Variants in NKX2-2 observed in about 807,000 individuals in gnomAD.
NKX2-2 encodes the protein NK2 homeobox 2, also known as homeobox protein Nkx-2.2.
In NKX2-2, 8 loss-of-function variants were observed where a neutral mutation model predicts 24.6. The observed-to-expected ratio is 0.32, with a 90% CI of 0.19 to 0.59. The LOEUF (loss-of-function observed/expected upper bound fraction) is 0.59. NKX2-2 is among the 20% of genes least tolerant of loss of function. NKX2-2 has a pLI of 0.86. For synonymous variants in NKX2-2, 217 were observed against 173.3 expected (o/e 1.25, Z -1.98); for missense variants, 381 against 373.9 (o/e 1.02, Z -0.16).
the NKX2-2 span, among the ~76,000 whole-genome samples, chr20:21,522,543 C>G: frequency 2.0e-5 from 3 of 152,098 alleles, no homozygotes; most frequent in Non-Finnish European, 4.4e-5. Flanking sequence ...TCACCGGAAA[C>G]GCGTGCGAGC....
chr20:21,517,115 C>G (rs979554751), upstream of NKX2-2, among the ~76,000 whole-genome samples: 1 of 152,190 alleles, frequency 6.6e-6, no homozygotes, highest in Admixed American at 6.5e-5. Flanking sequence ...GAGAAGGAGG[C>G]CCTCAGCCCA....
At chr20:21,514,739 A>G (rs1198028461), upstream of NKX2-2, among the ~76,000 whole-genome samples, 1 of 152,228 alleles carries the variant, frequency 6.6e-6, no homozygotes, top group East Asian at 1.9e-4. Context: ...TCAAATGGCA[A>G]GAGCCCAACT....
At chr20:21,519,460 A>G in the NKX2-2 span, among the ~76,000 whole-genome samples, 1 of 152,184 alleles carries the variant, frequency 6.6e-6, no homozygotes, top group Non-Finnish European at 1.5e-5. Flanking sequence ...GGTTTATTTT[A>G]TCTTGGGTTG....
At chr20:21,520,201 G>A in the NKX2-2 span, among the ~76,000 whole-genome samples, 83 of 152,036 alleles carry the variant, frequency 5.5e-4, no homozygotes, top group African/African-American at 1.9e-3. Flanking sequence ...ACAGAGTGGC[G>A]GGAACCCCAT....
At position 21,512,111 on chromosome 20, in the gene NKX2-2, C is replaced by G. The variant is rs1009682205; in HGVS notation, c.634G>C (p.Gly212Arg). The change falls in exon 2 of 2, where the codon GGC (glycine) becomes CGC (arginine). Residue 212 changes from glycine (G) to arginine (R), a missense_variant. Around this residue, in one of 3 missense-constraint regions of NKX2-2, gnomAD observed 139 missense variants for 121.7 expected, o/e 1.14. Transcript: ENST00000377142. ...GCTTTGAGCGCGTGACATGGTTTGC[C>G]GTCCCTGACCAAGACGGGCACGGCC... ...RVAVPVLVRD[G>R]KPCHALKAQD... 1.9e-6 allele frequency: 3 copies of G among 1,613,636 alleles called. No individual in the cohort carries two copies. Among genetic ancestry groups the G allele is most frequent in the South Asian group, 1.1e-5 (1 of 91,074 alleles).
chr20:21,512,135 C>T lies in NKX2-2; in HGVS notation c.610G>A (p.Ala204Thr), dbSNP rs1568636710. 2 of 1,613,672 alleles carry T rather than the reference C, an allele frequency of 1.2e-6. No homozygotes were observed. The highest frequency in any genetic ancestry group is 2.2e-5 in the East Asian group (1 of 44,868). The change falls in exon 2 of 2, where the codon GCC (alanine) becomes ACC (threonine). Residue 204 changes from alanine (A) to threonine (T), a missense_variant. Around this residue, in one of 3 missense-constraint regions of NKX2-2, gnomAD observed 139 missense variants for 121.7 expected, o/e 1.14. Coordinates refer to ENST00000377142, the MANE Select transcript of NKX2-2 (RefSeq NM_002509.4). ...CCGTCCCTGACCAAGACGGGCACGG[C>T]CACCCGGCGCGGCGAGGGCAGGGGC... ...VTPLPSPRRVAVPVLVRDGKP... is the reference protein window; with the variant it reads ...VTPLPSPRRVTVPVLVRDGKP...
chr20:21,512,153 G>A lies in NKX2-2; in HGVS notation c.592C>T (p.Pro198Ser), dbSNP rs1980458347. ...GGCACGGCCACCCGGCGCGGCGAGG[G>A]CAGGGGCGTCACCTCCATACCTTTC... ...AEKGMEVTPL[P>S]SPRRVAVPVL... Residue 198 changes from proline (P) to serine (S), a missense_variant, in exon 2 of 2, where the codon CCC becomes TCC. Physicochemically the swap from Pro to Ser is moderately conservative, Grantham distance 74 (BLOSUM62 -1). Around this residue, in one of 3 missense-constraint regions of NKX2-2, gnomAD observed 139 missense variants for 121.7 expected, o/e 1.14. Transcript: ENST00000377142. The A allele has an allele frequency of 6.2e-7, 1 of 1,613,694 alleles. No individual in the cohort carries two copies. Among genetic ancestry groups the A allele is most frequent in the Non-Finnish European group, 8.5e-7 (1 of 1,179,924 alleles).
upstream of NKX2-2, among the ~76,000 whole-genome samples, chr20:21,517,340 G>T (rs950191720): frequency 6.6e-6 from 1 of 152,154 alleles, no homozygotes; most frequent in Non-Finnish European, 1.5e-5. Flanking sequence ...GGGGCAGCTG[G>T]GCAGGGAGGG....
intron 1 of NKX2-2, 131 bp from the exon 2 acceptor site, chr20:21,512,616 T>G: frequency 1.4e-6 from 1 of 690,092 alleles, no homozygotes; most frequent in East Asian, 2.7e-5. Context: ...CCCGCTGCCT[T>G]TGCCATGACC....
Position 21,513,298 on chromosome 20 carries a change from AG to A in NKX2-2, c.259+112del. 1 of 1,157,366 alleles carries A rather than the reference AG, an allele frequency of 8.6e-7. No individual in the cohort carries two copies. Among genetic ancestry groups the A allele is most frequent in the Non-Finnish European group, 1.2e-6 (1 of 843,808 alleles). The allele number at this position is 1,157,366 out of a possible 1,614,324, so 71.7% of individuals were successfully genotyped here. ...AAAAATCTTTCTACGGATCCGAGTG[AG>A]GGGGTCCGGGCTTACATGGCCCCTT... On this transcript the variant is annotated intron_variant, in intron 1 of 1. Coordinates refer to ENST00000377142, the MANE Select transcript of NKX2-2 (RefSeq NM_002509.4). The surrounding 1 kb of genome is among the most constrained non-coding windows in gnomAD (Gnocchi z 4.6).
Position 21,512,334 on chromosome 20 carries a change from C to T in NKX2-2, c.411G>A (p.Lys137=). Residue 137 remains lysine, a synonymous_variant, in exon 2 of 2, where the codon AAG becomes AAA. Transcript: ENST00000377142. ...GCCGCTCCAGCTCGTAGGTCTGCGC[C>T]TTGGAGAAAAGCACTCGCCGCTTTC... ...KKRKRRVLFS[K]AQTYELERRF... 6.2e-7 allele frequency: 1 copy of T among 1,613,030 alleles called. No individual in the cohort carries two copies. The highest frequency in any genetic ancestry group is 8.5e-7 in the Non-Finnish European group (1 of 1,179,696).
At chr20:21,515,682 G>A (rs1373289251), upstream of NKX2-2, among the ~76,000 whole-genome samples, 3 of 152,044 alleles carry the variant, frequency 2.0e-5, no homozygotes, top group South Asian at 4.2e-4. Flanking sequence ...GTCTGGGGGC[G>A]GGGAGGGGCA....
chr20:21,511,541 C>CAA lies in NKX2-2; in HGVS notation c.*380_*381dup, dbSNP rs1980428172. 1 of 179,862 alleles carries CAA rather than the reference C, an allele frequency of 5.6e-6. No homozygotes were observed. Among genetic ancestry groups the CAA allele is most frequent in the Non-Finnish European group, 1.1e-5 (1 of 87,024 alleles). 11.1% of individuals were successfully genotyped at this position (179,862 alleles called of 1,614,324 possible). On this transcript the variant is annotated 3_prime_UTR_variant, in exon 2 of 2. Transcript: ENST00000377142. The stretch of plus-strand genomic sequence containing the variant: ...TCGCTACTCACACAAACATATTTTA[C>CAA]AAAATGCACGAAAGCAGGGGTGGGG...
Position 21,513,736 on chromosome 20 carries a change from T to C in NKX2-2, c.-67A>G. 1 of 907,078 alleles carries C rather than the reference T, an allele frequency of 1.1e-6. No individual in the cohort carries two copies. Among genetic ancestry groups the C allele is most frequent in the Non-Finnish European group, 1.3e-6 (1 of 742,556 alleles). 56.2% of individuals were successfully genotyped at this position (907,078 alleles called of 1,614,324 possible). A position where few individuals can be genotyped will look rare whatever the true frequency, so the allele number is the denominator to read the frequency against. On this transcript the variant is annotated 5_prime_UTR_variant, in exon 1 of 2. Transcript: ENST00000377142. The surrounding 1 kb of genome is among the most constrained non-coding windows in gnomAD (Gnocchi z 4.6). ...ACTTGGTCAATTCGTGGCGCTCCCC[T>C]GCCCCGGCGGGCGGGGGAGGGGGGA... is the stretch of plus-strand genomic sequence containing the variant.
At chr20:21,512,614 C>T (rs941150898) in intron 1 of NKX2-2, 129 bp from the exon 2 acceptor site, 16 of 702,588 alleles carry the variant, frequency 2.3e-5, no homozygotes, top group African/African-American at 3.6e-5. Context: ...GCCCCGCTGC[C>T]TTTGCCATGA....
chr20:21,511,664 G>T lies in NKX2-2; in HGVS notation c.*259C>A. 2.8e-6 allele frequency: 1 copy of T among 357,504 alleles called. No individual in the cohort carries two copies. The highest frequency in any genetic ancestry group is 5.0e-6 in the Non-Finnish European group (1 of 201,652). 22.1% of individuals were successfully genotyped at this position (357,504 alleles called of 1,614,324 possible). A position where few individuals can be genotyped will look rare whatever the true frequency, so the allele number is the denominator to read the frequency against. On this transcript the variant is annotated 3_prime_UTR_variant, in exon 2 of 2. Coordinates refer to ENST00000377142, the MANE Select transcript of NKX2-2 (RefSeq NM_002509.4). ...AGAAGCGAAGCTGCGCAAACATTCT[G>T]TAAACACGGCGTAGAGTTCAGCCCT... is the stretch of plus-strand genomic sequence containing the variant.
chr20:21,520,026 A>G, the NKX2-2 span, among the ~76,000 whole-genome samples: 16 of 151,628 alleles, frequency 1.1e-4, 1 homozygote, highest in Admixed American at 6.6e-5. Context: ...CCTTTGGTCC[A>G]TATTATATTA....
Position 21,513,306 on chromosome 20 carries a change from C to G in NKX2-2, c.259+105G>C. On this transcript the variant is annotated intron_variant, in intron 1 of 1. Transcript: ENST00000377142. This position sits in a 1 kb window ranked among gnomAD's most constrained non-coding sequence, Gnocchi z 4.6. The stretch of plus-strand genomic sequence containing the variant: ...TTCTACGGATCCGAGTGAGGGGGTC[C>G]GGGCTTACATGGCCCCTTCCCCTTT... 2 of 1,252,366 alleles carry G rather than the reference C, an allele frequency of 1.6e-6. No individual in the cohort carries two copies. Among genetic ancestry groups the G allele is most frequent in the Non-Finnish European group, 2.2e-6 (2 of 927,798 alleles). 77.6% of individuals were successfully genotyped at this position (1,252,366 alleles called of 1,614,324 possible).
chr20:21,513,711 A>G lies in NKX2-2; in HGVS notation c.-42T>C, dbSNP rs536355513. On this transcript the variant is annotated 5_prime_UTR_variant, in exon 1 of 2. Transcript: ENST00000377142. This position sits in a 1 kb window ranked among gnomAD's most constrained non-coding sequence, Gnocchi z 4.6. Reference sequence around the variant, plus strand: ...ATTTATGTCGCAAAGTTGTAGCTTCACTTGGTCAATTCGTGGCGCTCCCCT... The same window carrying G: ...ATTTATGTCGCAAAGTTGTAGCTTCGCTTGGTCAATTCGTGGCGCTCCCCT... 3 of 1,197,520 alleles carry G rather than the reference A, an allele frequency of 2.5e-6. No individual in the cohort carries two copies. Among genetic ancestry groups the G allele is most frequent in the Admixed American group, 3.5e-5 (1 of 28,956 alleles). The allele number at this position is 1,197,520 out of a possible 1,614,324, so 74.2% of individuals were successfully genotyped here.
Sources: allele counts gnomAD v4.1 joint callset (sites outside exome capture counted in the v4.1 genomes callset), GRCh38; gene constraint gnomAD v4.1.1; regional missense constraint gnomAD v4.1.1; non-coding constraint Gnocchi (gnomAD v3.1); transcripts MANE v1.5; gene names NCBI Gene and HGNC (gene_info 2026-07-23, HGNC 2026-07-21).